Variants in TACC2 observed in about 807,000 individuals in gnomAD.
TACC2 encodes the protein transforming acidic coiled-coil-containing protein 2.
TACC2 carries 137 observed loss-of-function variants against 227.3 expected under a neutral mutation model. The observed-to-expected ratio is 0.60, with a 90% CI of 0.52 to 0.69. TACC2 has a LOEUF of 0.69. Ranked by LOEUF, TACC2 falls within the 30% of genes least tolerant of loss-of-function variation. The pLI is 0.00. For missense variants in TACC2, 3,470 were observed against 3,694.4 expected (o/e 0.94, Z 1.57); for synonymous variants, 1,523 against 1,487.5 (o/e 1.02, Z -0.55).
intron 8 of TACC2, among the ~76,000 whole-genome samples, chr10:122,197,122 A>T (rs1238980572): frequency 7.0e-6 from 1 of 143,738 alleles, no homozygotes; most frequent in Admixed American, 7.0e-5. Flanking sequence ...TTAGCCAGGC[A>T]TGGTGCCGCA....
In TACC2 at chr10:122,087,829, G is replaced by T; in HGVS notation, c.5329G>T (p.Glu1777Ter). Residue 1777 changes from glutamate to a stop codon, truncating the protein, a stop_gained, in exon 4 of 23, where the codon GAG becomes TAG. Coordinates refer to ENST00000369005, the MANE Select transcript of TACC2 (RefSeq NM_206862.4). LOFTEE classifies it high-confidence loss of function. ...CCCAGCCAGGCCCCAGCAGGCTAAG[G>T]AGCAGCCAGGGCCTGAGCGCCCCAT... The part of the protein sequence containing the change: ...DSPARPQQAK[E>*]QPGPERPIPA... 6.4e-7 allele frequency: 1 copy of T among 1,557,698 alleles called. No homozygotes were observed. The highest frequency in any genetic ancestry group is 8.7e-7 in the Non-Finnish European group (1 of 1,150,646).
rs3037067 is a variant in TACC2, at chr10:122,126,316, C to CTGTGTGTGTG, written c.5574-6271_5574-6262dup. Among the ~76,000 whole-genome samples the CTGTGTGTGTG allele has an allele frequency of 4.0e-3, 567 of 142,120 alleles. 4 individuals are homozygous for CTGTGTGTGTG. Among genetic ancestry groups the CTGTGTGTGTG allele is most frequent in the East Asian group, 0.019 (90 of 4,750 alleles). 93.2% of individuals were successfully genotyped at this position (142,120 alleles called of 152,430 possible). A position where few individuals can be genotyped will look rare whatever the true frequency, so the allele number is the denominator to read the frequency against. ...TTATTCCATGGGTTATAATCCAGAA[C>CTGTGTGTGTG]TGTGTGTGTGTGTGTGTGTGTGTGT... On this transcript the variant is annotated intron_variant, in intron 5 of 22. Transcript: ENST00000369005.
chr10:122,073,126 A>AAAAATATATATATAT (rs1383487943), intron 3 of TACC2, among the ~76,000 whole-genome samples: 1 of 71,004 alleles, frequency 1.4e-5, no homozygotes, highest in African/African-American at 6.2e-5. Context: ...AAAAAAAAAA[A>AAAAATATATATATAT]ATATATATAT....
At chr10:122,071,900 A>AC (rs1310061725) in intron 3 of TACC2, among the ~76,000 whole-genome samples, 2 of 150,814 alleles carry the variant, frequency 1.3e-5, no homozygotes, top group African/African-American at 4.9e-5. Flanking sequence ...AAAAAAAAAA[A>AC]AAAGTTCATA....
intron 3 of TACC2, among the ~76,000 whole-genome samples, chr10:122,074,445 G>A (rs1433870530): frequency 6.6e-6 from 1 of 152,110 alleles, no homozygotes; most frequent in Non-Finnish European, 1.5e-5. Flanking sequence ...GTTTTTAAAA[G>A]CCCTTCATAG....
intron 5 of TACC2, among the ~76,000 whole-genome samples, chr10:122,118,138 C>A (rs1291230613): frequency 6.6e-6 from 1 of 151,954 alleles, no homozygotes; most frequent in Non-Finnish European, 1.5e-5. Flanking sequence ...CTTCAGCCTC[C>A]CAAGTAGCTG....
In TACC2 at chr10:122,145,707, T is replaced by G. The variant is rs114931017; in HGVS notation, c.5834+2001T>G. 7.5e-3 allele frequency among the ~76,000 whole-genome samples: 1,137 copies of G among 152,284 alleles called. 13 individuals carry two copies. The highest frequency in any genetic ancestry group is 0.025 in the African/African-American group (1,037 of 41,540). ...TTTTGATGAAATCTAAAATAAAAAT[T>G]TCAACCTTCAGACCTTTTGCTGATG... is the stretch of plus-strand genomic sequence containing the variant. On this transcript the variant is annotated intron_variant, in intron 7 of 22. Coordinates refer to ENST00000369005, the MANE Select transcript of TACC2 (RefSeq NM_206862.4).
chr10:122,125,797 GA>G (rs1308228094), intron 5 of TACC2, among the ~76,000 whole-genome samples: 19 of 33,576 alleles, frequency 5.7e-4, no homozygotes, highest in Non-Finnish European at 7.2e-4. Context: ...TTTTTTTTGA[GA>G]GGGAGTCTGG....
At position 122,229,483 on chromosome 10, in the gene TACC2, C is replaced by G. The variant is rs779289414; in HGVS notation, c.8034C>G (p.Leu2678=). 2.9e-5 allele frequency: 46 copies of G among 1,613,908 alleles called. No individual in the cohort carries two copies. In the Middle Eastern group the frequency reaches 4.9e-4, roughly 17 times the overall value. ...ACCCCCCACTATTCGCTCAGAAACT[C>G]CAGGTTTGTAGCCCACGTGTGACCT... The part of the protein sequence containing the change: ...EKNPPLFAQK[L]QEELEFAIMR... The change falls in exon 15 of 23, where the codon CTC becomes CTG. Residue 2678 remains leucine, a synonymous_variant. Coordinates refer to ENST00000369005, the MANE Select transcript of TACC2 (RefSeq NM_206862.4).
chr10:122,014,040 AG>A (rs950268877), intron 1 of TACC2, among the ~76,000 whole-genome samples: 6 of 148,536 alleles, frequency 4.0e-5, no homozygotes, highest in Non-Finnish European at 7.5e-5. Context: ...GCAAAAAAAA[AG>A]ATAATTTTTT....
chr10:122,001,289 G>A (rs1954292822), intron 1 of TACC2, among the ~76,000 whole-genome samples: 1 of 152,204 alleles, frequency 6.6e-6, no homozygotes, highest in African/African-American at 2.4e-5. Context: ...GTCTGGGGAG[G>A]CCTCACAATC....
At chr10:122,144,372 T>C (rs1285196026) in intron 7 of TACC2, among the ~76,000 whole-genome samples, 1 of 152,214 alleles carries the variant, frequency 6.6e-6, no homozygotes, top group East Asian at 1.9e-4. Context: ...AAGTTAATGA[T>C]TAGAGCAAGT....
chr10:122,083,384 C>G lies in TACC2; in HGVS notation c.884C>G (p.Ala295Gly). ...GACAGAGAAAGAGGCCAAGGGGAGG[C>G]GCCGCCTCAGTATTTAACAGATGAC... Reference protein sequence around the residue: ...ASDRERGQGEAPPQYLTDDLE... With the variant: ...ASDRERGQGEGPPQYLTDDLE... Residue 295 changes from alanine (A) to glycine (G), a missense_variant, in exon 4 of 23, where the codon GCG becomes GGG. Transcript: ENST00000369005. The G allele has an allele frequency of 6.2e-7, 1 of 1,613,880 alleles. No homozygotes were observed. Among genetic ancestry groups the G allele is most frequent in the Non-Finnish European group, 8.5e-7 (1 of 1,180,000 alleles).
rs117584279 is a variant in TACC2, at chr10:122,078,617, C to T, written c.147-4030C>T. Among the ~76,000 whole-genome samples the T allele has an allele frequency of 3.7e-3, 566 of 152,308 alleles. 9 individuals carry two copies. Among genetic ancestry groups the T allele is most frequent in the Admixed American group, 0.026 (402 of 15,292 alleles). Reference sequence around the variant, plus strand: ...GGCTTCCATTCGGGGTGCTGGCCTGCGGATTCTGAGCAGAGGCTCTATCCC... The same window carrying T: ...GGCTTCCATTCGGGGTGCTGGCCTGTGGATTCTGAGCAGAGGCTCTATCCC... On this transcript the variant is annotated intron_variant, in intron 3 of 22. Transcript: ENST00000369005.
At chr10:122,104,978 T>C (rs1228307931) in intron 5 of TACC2, among the ~76,000 whole-genome samples, 4 of 152,224 alleles carry the variant, frequency 2.6e-5, no homozygotes, top group Non-Finnish European at 5.9e-5. Context: ...TTTTTAACCC[T>C]AGTGCTTTGC....
chr10:122,004,097 C>A (rs1438905446), intron 1 of TACC2, among the ~76,000 whole-genome samples: 9 of 151,922 alleles, frequency 5.9e-5, no homozygotes, highest in Non-Finnish European at 2.9e-5. Context: ...CTAAATTCTG[C>A]TAAGATGTAG....
intron 7 of TACC2, among the ~76,000 whole-genome samples, chr10:122,176,736 C>T (rs1210539645): frequency 6.6e-6 from 1 of 152,162 alleles, no homozygotes; most frequent in Non-Finnish European, 1.5e-5. Flanking sequence ...CTTCCTCCAC[C>T]CACCTAGGTT....
intron 7 of TACC2, among the ~76,000 whole-genome samples, chr10:122,192,960 C>G (rs1044974039): frequency 6.6e-6 from 1 of 152,226 alleles, no homozygotes; most frequent in Non-Finnish European, 1.5e-5. Flanking sequence ...GTGTGACCTC[C>G]TTTTGTTTTC....
chr10:122,093,765 A>G (rs1157367347), intron 5 of TACC2, among the ~76,000 whole-genome samples: 1 of 152,228 alleles, frequency 6.6e-6, no homozygotes, highest in Non-Finnish European at 1.5e-5. Context: ...TAAAATTGGA[A>G]TGTTTCCAAA....
Sources: gnomAD v4.1 joint callset for allele counts (sites outside exome capture counted in the v4.1 genomes callset) on GRCh38, gnomAD v4.1.1 for gene constraint, MANE v1.5 for transcripts, NCBI Gene and HGNC (gene_info 2026-07-23, HGNC 2026-07-21) for gene names.